CACNA1B: variants seen among roughly 807,000 people sequenced by gnomAD.
The protein encoded by CACNA1B is voltage-dependent N-type calcium channel subunit alpha-1B.
A neutral mutation model predicts 247.2 loss-of-function variants in CACNA1B; 70 were observed. The ratio of observed to expected loss-of-function variants is 0.28; its 90% CI spans 0.23 to 0.35. The LOEUF (loss-of-function observed/expected upper bound fraction) is 0.35, where lower values mean the gene tolerates loss of function less well. CACNA1B is among the 10% of genes least tolerant of loss of function. CACNA1B has a pLI of 1.00. For synonymous variants in CACNA1B, 1,231 were observed against 1,294.4 expected, an observed-to-expected ratio of 0.95 and a Z score of 1.05; for missense variants, 2,367 against 3,197.4, an observed-to-expected ratio of 0.74 and a Z score of 6.26.
At chr9:137,924,656 C>T (rs1213887373) in intron 6 of CACNA1B, among the ~76,000 whole-genome samples, 1 of 152,170 alleles carries the variant, frequency 6.6e-6, no homozygotes, top group African/African-American at 2.4e-5. Context: ...GTTCCATGTC[C>T]AATCAGAACA....
In CACNA1B at chr9:137,891,749, T is replaced by C. The variant is rs936091245; in HGVS notation, c.530+8866T>C. 6 of 315,680 alleles carry C rather than the reference T, an allele frequency of 1.9e-5. No individual in the cohort carries two copies. The Admixed American group carries it at 2.3e-4, about 12-fold the overall frequency. 19.6% of individuals were successfully genotyped at this position (315,680 alleles called of 1,614,324 possible). A position where few individuals can be genotyped will look rare whatever the true frequency, so the allele number is the denominator to read the frequency against. On this transcript the variant is annotated intron_variant, in intron 3 of 46. Coordinates refer to ENST00000371372, the MANE Select transcript of CACNA1B (RefSeq NM_000718.4). This position sits in a 1 kb window ranked among gnomAD's most constrained non-coding sequence, Gnocchi z 4.3. ...AAGGCAGGTGCTGGCTGTGGGGCTG[T>C]AGAGTGGAGGGGCCTCCACCCTGCG... is the stretch of plus-strand genomic sequence containing the variant.
intron 36 of CACNA1B, among the ~76,000 whole-genome samples, chr9:138,078,759 C>T (rs977947629): frequency 1.1e-4 from 16 of 152,128 alleles, no homozygotes; most frequent in Admixed American, 5.2e-4. Flanking sequence ...AGTGAGGAGA[C>T]GACTGGGGGC....
rs1961928748 is a variant in CACNA1B at position 138,117,944 on chromosome 9, A to G, written c.5778-2A>G. The G allele has an allele frequency of 1.3e-6, 2 of 1,572,480 alleles. No individual in the cohort carries two copies. Among genetic ancestry groups the G allele is most frequent in the African/African-American group, 2.7e-5 (2 of 73,980 alleles). On this transcript the variant is annotated splice_acceptor_variant, in intron 42 of 46. Coordinates refer to ENST00000371372, the MANE Select transcript of CACNA1B (RefSeq NM_000718.4). LOFTEE classifies it high-confidence loss of function. ...GGAATCTGTTTGTCTTCTCTGCCACAGACAAAACCAAGAGAGTGGCATCAA... is the reference window on the plus strand; with the variant it reads ...GGAATCTGTTTGTCTTCTCTGCCACGGACAAAACCAAGAGAGTGGCATCAA...
chr9:137,940,934 A>G (rs1168677323), intron 6 of CACNA1B, among the ~76,000 whole-genome samples: 2 of 152,216 alleles, frequency 1.3e-5, no homozygotes. Context: ...AAAGTCATCT[A>G]TGACAAACCC....
At chr9:137,930,845 T>C (rs1957599500) in intron 6 of CACNA1B, among the ~76,000 whole-genome samples, 1 of 152,218 alleles carries the variant, frequency 6.6e-6, no homozygotes, top group African/African-American at 2.4e-5. Flanking sequence ...CATGTTTCCC[T>C]GTGTCTCGGG....
At chr9:137,897,711 CATT>C (rs1554922526) in intron 3 of CACNA1B, among the ~76,000 whole-genome samples, 5 of 151,380 alleles carry the variant, frequency 3.3e-5, no homozygotes, top group Non-Finnish European at 2.9e-5. Context: ...TCATTTTAAT[CATT>C]ATTATTATTA....
At chr9:137,931,855 C>A (rs1261482496) in intron 6 of CACNA1B, among the ~76,000 whole-genome samples, 1 of 152,030 alleles carries the variant, frequency 6.6e-6, no homozygotes, top group Non-Finnish European at 1.5e-5. Flanking sequence ...AAAACCAAGG[C>A]AAATATAGTC....
intron 10 of CACNA1B, among the ~76,000 whole-genome samples, chr9:137,966,980 A>T (rs72769058): frequency 0.26 from 34,095 of 133,248 alleles, 4,786 homozygotes; most frequent in East Asian, 0.53. Context: ...TTTTTTTTTA[A>T]AAAAAAAACC....
At chr9:137,963,434 G>A (rs58112952) in intron 10 of CACNA1B, among the ~76,000 whole-genome samples, 13 of 152,122 alleles carry the variant, frequency 8.5e-5, no homozygotes, top group South Asian at 2.1e-4. Context: ...TCACTCTGTC[G>A]CCCAGGCTGG....
chr9:138,010,522 G>T lies in CACNA1B; in HGVS notation c.2160+445G>T, dbSNP rs1000120880. On this transcript the variant is annotated intron_variant, in intron 17 of 46. Transcript: ENST00000371372. This position sits in a 1 kb window ranked among gnomAD's most constrained non-coding sequence, Gnocchi z 5.3. Reference sequence around the variant, plus strand: ...CTCCCTCTGTGATATCCCTCCGGATGACACAGTCCCCTCCTGGTCATGCTC... The same window carrying T: ...CTCCCTCTGTGATATCCCTCCGGATTACACAGTCCCCTCCTGGTCATGCTC... Among the ~76,000 whole-genome samples the T allele has an allele frequency of 6.6e-6, 1 of 152,172 alleles. No homozygotes were observed. Among genetic ancestry groups the T allele is most frequent in the Non-Finnish European group, 1.5e-5 (1 of 68,008 alleles).
chr9:137,898,734 T>C (rs1378571850), intron 3 of CACNA1B, among the ~76,000 whole-genome samples: 1 of 150,518 alleles, frequency 6.6e-6, no homozygotes, highest in African/African-American at 2.5e-5. Flanking sequence ...CAGGCTGGAG[T>C]GCAGTGGCAC....
chr9:137,945,860 C>T (rs1957789925), intron 6 of CACNA1B, among the ~76,000 whole-genome samples: 1 of 152,246 alleles, frequency 6.6e-6, no homozygotes, highest in East Asian at 1.9e-4. Context: ...TTATCATATT[C>T]CAGGCTGGAG....
In CACNA1B at chr9:138,121,441, T is replaced by C; in HGVS notation, c.6490-28T>C. ...GCTTTTTTTTTTTTTTTTTTACCTC[T>C]GATTTGTTCTGGTCCATTTTCATGT... On this transcript the variant is annotated intron_variant, in intron 46 of 46. Transcript: ENST00000371372. This position sits in a 1 kb window ranked among gnomAD's most constrained non-coding sequence, Gnocchi z 6.8. 2 of 1,220,202 alleles carry C rather than the reference T, an allele frequency of 1.6e-6. No individual in the cohort carries two copies. The highest frequency in any genetic ancestry group is 2.2e-6 in the Non-Finnish European group (2 of 896,614). 75.6% of individuals were successfully genotyped at this position (1,220,202 alleles called of 1,614,324 possible).
chr9:138,045,319 A>C (rs1959172668), intron 21 of CACNA1B, among the ~76,000 whole-genome samples: 1 of 152,190 alleles, frequency 6.6e-6, no homozygotes, highest in Admixed American at 6.5e-5. Context: ...ATTGCAGCCC[A>C]GCAGGGCCCT....
chr9:138,031,927 C>T (rs1958992205), intron 20 of CACNA1B, among the ~76,000 whole-genome samples: 1 of 152,082 alleles, frequency 6.6e-6, no homozygotes, highest in Non-Finnish European at 1.5e-5. Flanking sequence ...AGATAGTATT[C>T]ATGTTTTCAA....
chr9:137,918,212 G>T (rs545287940), intron 6 of CACNA1B, among the ~76,000 whole-genome samples: 47 of 151,972 alleles, frequency 3.1e-4, no homozygotes, highest in Middle Eastern at 3.4e-3. Context: ...ATAAGGCTTG[G>T]GGGGGGTGCC....
At chr9:137,996,552 A>G (rs1309248724) in intron 15 of CACNA1B, among the ~76,000 whole-genome samples, 3 of 152,234 alleles carry the variant, frequency 2.0e-5, no homozygotes, top group East Asian at 1.9e-4. Flanking sequence ...ACTACAGCGT[A>G]TGCTGCTTGG....
intron 13 of CACNA1B, among the ~76,000 whole-genome samples, chr9:137,985,595 TG>T (rs1249856648): frequency 2.0e-5 from 3 of 152,186 alleles, no homozygotes; most frequent in Non-Finnish European, 4.4e-5. Context: ...GCCTCTGATG[TG>T]GGCGCCAGGG....
intron 6 of CACNA1B, among the ~76,000 whole-genome samples, chr9:137,951,810 T>C (rs952822643): frequency 7.9e-5 from 12 of 152,220 alleles, no homozygotes; most frequent in African/African-American, 2.9e-4. Flanking sequence ...CTCTCAGCTG[T>C]GGGAGCTGCT....
Sources: allele counts gnomAD v4.1 joint callset (sites outside exome capture counted in the v4.1 genomes callset), GRCh38; gene constraint gnomAD v4.1.1; non-coding constraint Gnocchi (gnomAD v3.1); transcripts MANE v1.5; gene names NCBI Gene and HGNC (gene_info 2026-07-23, HGNC 2026-07-21).